LIMD1: variants seen among roughly 807,000 people sequenced by gnomAD.
The protein encoded by LIMD1 is LIM domain containing 1.
In LIMD1, 23 loss-of-function variants were observed where a neutral mutation model predicts 58.4. The ratio of observed to expected loss-of-function variants is 0.39; its 90% CI spans 0.28 to 0.56. The LOEUF is 0.56. Among genes scored for constraint, LIMD1 ranks in the 20% least tolerant of loss-of-function variants. The pLI is 0.57. For synonymous variants in LIMD1, 334 were observed against 345.5 expected, an observed-to-expected ratio of 0.97 and a Z score of 0.37; for missense variants, 838 against 855.5, an observed-to-expected ratio of 0.98 and a Z score of 0.25.
At chr3:45,601,815 G>T (rs1701415729) in intron 1 of LIMD1, among the ~76,000 whole-genome samples, 2 of 152,126 alleles carry the variant, frequency 1.3e-5, no homozygotes, top group Non-Finnish European at 2.9e-5. Flanking sequence ...GGACTAGGTG[G>T]TCTCTCACGT....
At chr3:45,617,114 G>A (rs1259649409) in intron 1 of LIMD1, among the ~76,000 whole-genome samples, 1 of 149,824 alleles carries the variant, frequency 6.7e-6, no homozygotes, top group Non-Finnish European at 1.5e-5. Context: ...GCTCACTGCA[G>A]CCTCTGCCTC....
intron 2 of LIMD1, among the ~76,000 whole-genome samples, chr3:45,659,679 T>A (rs893613705): frequency 1.3e-5 from 2 of 152,262 alleles, no homozygotes; most frequent in Non-Finnish European, 2.9e-5. Context: ...AATGACATTT[T>A]AAATAGCTAT....
At position 45,635,909 on chromosome 3, in the gene LIMD1, A is replaced by G; in HGVS notation, c.1409-241A>G. On this transcript the variant is annotated intron_variant, in intron 1 of 7. Coordinates refer to ENST00000273317, the MANE Select transcript of LIMD1 (RefSeq NM_014240.3). ...TTGACCAAGCCCAGGAATTCTGGAC[A>G]TTAGCATAACAGTGGGGCAGGGAAA... 3.0e-6 allele frequency: 3 copies of G among 985,274 alleles called. No homozygotes were observed. In the South Asian group the frequency reaches 1.4e-4, roughly 46 times the overall value. 61.0% of individuals were successfully genotyped at this position (985,274 alleles called of 1,614,324 possible).
intron 2 of LIMD1, among the ~76,000 whole-genome samples, chr3:45,653,920 AAAAAAAGAAAAAGAAAAAAAAAAAAG>A (rs1304307292): frequency 1.4e-5 from 2 of 145,926 alleles, no homozygotes; most frequent in African/African-American, 2.6e-5. Context: ...AAAAAAAAAA[AAAAAAAGAAAAAGAAAAAAAAAAAAG>A]AACCTATTCT....
chr3:45,660,722 G>A (rs775987647), intron 2 of LIMD1, among the ~76,000 whole-genome samples: 15 of 152,136 alleles, frequency 9.9e-5, no homozygotes, highest in South Asian at 4.1e-4. Context: ...GGCCAGGTGG[G>A]CTGTTTGTGT....
chr3:45,607,917 G>C (rs534515423), intron 1 of LIMD1, among the ~76,000 whole-genome samples: 19 of 152,328 alleles, frequency 1.2e-4, no homozygotes, highest in African/African-American at 4.3e-4. Flanking sequence ...GTTTGCTCGC[G>C]TGATGGTTAG....
At chr3:45,668,426 T>C in intron 4 of LIMD1, 70 bp downstream of exon 4, 3 of 1,221,944 alleles carry the variant, frequency 2.5e-6, no homozygotes, top group South Asian at 1.2e-5. Context: ...AAAAAAGAAA[T>C]TAATAATTGA....
chr3:45,596,275 G>C lies in LIMD1; in HGVS notation c.1396G>C (p.Ala466Pro), dbSNP rs1575338931. Residue 466 changes from alanine (A) to proline (P), a missense_variant, in exon 1 of 8, where the codon GCT (alanine) becomes CCT (proline). Around this residue, in one of 3 missense-constraint regions of LIMD1, gnomAD observed 659 missense variants for 639.8 expected, o/e 1.03. Coordinates refer to ENST00000273317, the MANE Select transcript of LIMD1 (RefSeq NM_014240.3). ...GCGAGAGATGGATGCTCACCCGAAG[G>C]CTGATTACTTTGGTGAGTGAGAGGC... Reference protein sequence around the residue: ...LEREMDAHPKADYFGACVKCS... With the variant: ...LEREMDAHPKPDYFGACVKCS... The C allele has an allele frequency of 5.6e-6, 9 of 1,601,732 alleles. No homozygotes were observed. The highest frequency in any genetic ancestry group is 7.7e-6 in the Non-Finnish European group (9 of 1,174,414).
Position 45,672,749 on chromosome 3 carries a change from T to C in LIMD1, c.1701T>C (p.Asn567=), listed in dbSNP as rs367971643. Residue 567 remains asparagine, a synonymous_variant, in exon 5 of 8, where the codon AAT becomes AAC. Transcript: ENST00000273317. ...GCTGTTTCCGCTGTGTCATCTGTAA[T>C]GAGTGTTTGGATGGGGTGCCCTTCA... ...HPGCFRCVIC[N]ECLDGVPFTV... 3.9e-5 allele frequency: 63 copies of C among 1,613,436 alleles called. No individual in the cohort carries two copies. Among genetic ancestry groups the C allele is most frequent in the Non-Finnish European group, 5.0e-5 (59 of 1,179,562 alleles).
chr3:45,645,243 C>T (rs917464856), intron 2 of LIMD1, among the ~76,000 whole-genome samples: 3 of 152,192 alleles, frequency 2.0e-5, no homozygotes, highest in African/African-American at 7.2e-5. Context: ...CCTAGTTCTG[C>T]TAGTGCACTG....
intron 4 of LIMD1, among the ~76,000 whole-genome samples, 158 bp from the exon 5 acceptor site, chr3:45,672,532 C>T (rs1697600068): frequency 6.6e-6 from 1 of 152,184 alleles, no homozygotes; most frequent in African/African-American, 2.4e-5. Context: ...TTGCCTTTCC[C>T]ACCCCATCAC....
intron 3 of LIMD1, among the ~76,000 whole-genome samples, chr3:45,665,934 C>G (rs1291760232): frequency 6.6e-6 from 1 of 152,202 alleles, no homozygotes; most frequent in Non-Finnish European, 1.5e-5. Flanking sequence ...ACTTGGCTAT[C>G]CTCTTGCTGC....
chr3:45,658,532 A>ATGC (rs1553646072), intron 2 of LIMD1, among the ~76,000 whole-genome samples: 2 of 72,138 alleles, frequency 2.8e-5, no homozygotes, highest in Non-Finnish European at 6.0e-5. Context: ...CACCATGCAG[A>ATGC]TTCTTTTTTT....
intron 1 of LIMD1, among the ~76,000 whole-genome samples, chr3:45,633,130 G>A (rs1333929693): frequency 6.6e-6 from 1 of 152,150 alleles, no homozygotes; most frequent in African/African-American, 2.4e-5. Context: ...TACTGGTGGG[G>A]GCTCCCTGTT....
At chr3:45,622,867 C>T (rs1472779830) in intron 1 of LIMD1, among the ~76,000 whole-genome samples, 2 of 152,068 alleles carry the variant, frequency 1.3e-5, no homozygotes, top group Non-Finnish European at 2.9e-5. Context: ...AGGGTTTCAC[C>T]ATGTTGGCCA....
chr3:45,619,311 G>A (rs1465290937), intron 1 of LIMD1, among the ~76,000 whole-genome samples: 2 of 151,972 alleles, frequency 1.3e-5, no homozygotes, highest in Admixed American at 1.3e-4. Flanking sequence ...GCCCAGCTGC[G>A]AGCTCTTCTT....
At chr3:45,645,899 A>G (rs2125661605) in intron 2 of LIMD1, among the ~76,000 whole-genome samples, 1 of 152,020 alleles carries the variant, frequency 6.6e-6, no homozygotes, top group African/African-American at 2.4e-5. Flanking sequence ...ATAGTTGCCC[A>G]TCAGTGGATC....
At chr3:45,645,447 C>T (rs1033349061) in intron 2 of LIMD1, among the ~76,000 whole-genome samples, 1 of 152,202 alleles carries the variant, frequency 6.6e-6, no homozygotes, top group African/African-American at 2.4e-5. Context: ...GCATCCTAAG[C>T]TCCTGATATT....
At chr3:45,667,293 C>A (rs1298065064) in intron 3 of LIMD1, among the ~76,000 whole-genome samples, 1 of 152,188 alleles carries the variant, frequency 6.6e-6, no homozygotes, top group African/African-American at 2.4e-5. Flanking sequence ...TCTGTCAATG[C>A]CCTGCCTGGG....
Sources: gnomAD v4.1 joint callset for allele counts (sites outside exome capture counted in the v4.1 genomes callset) on GRCh38, gnomAD v4.1.1 for gene constraint, gnomAD v4.1.1 regional missense constraint, MANE v1.5 for transcripts, NCBI Gene and HGNC (gene_info 2026-07-23, HGNC 2026-07-21) for gene names.